PIKFYVE: variants seen among roughly 807,000 people sequenced by gnomAD.
The protein encoded by PIKFYVE is phosphoinositide kinase, FYVE-type zinc finger containing.
PIKFYVE carries 122 observed loss-of-function variants against 257.9 expected under a neutral mutation model. The ratio of observed to expected loss-of-function variants is 0.47; its 90% confidence interval spans 0.41 to 0.55. The LOEUF (loss-of-function observed/expected upper bound fraction) is 0.55, where lower values mean the gene tolerates loss of function less well. Ranked by LOEUF, PIKFYVE falls within the 20% of genes least tolerant of loss-of-function variation. The pLI is 0.00. For missense variants in PIKFYVE, 2,160 were observed against 2,536.6 expected, an observed-to-expected ratio of 0.85 and a Z score of 3.19; for synonymous variants, 892 against 868.9, an observed-to-expected ratio of 1.03 and a Z score of -0.47.
At chr2:208,270,509 TAAG>T (rs1689277936) in intron 1 of PIKFYVE, among the ~76,000 whole-genome samples, 1 of 152,182 alleles carries the variant, frequency 6.6e-6, no homozygotes, top group Admixed American at 6.5e-5. Flanking sequence ...CAAAGCCCTT[TAAG>T]AAGATCTTCA....
intron 5 of PIKFYVE, among the ~76,000 whole-genome samples, chr2:208,278,954 C>G (rs1167018797): frequency 6.6e-6 from 1 of 152,168 alleles, no homozygotes; most frequent in Non-Finnish European, 1.5e-5. Context: ...GGTAGCAGTT[C>G]TGTTTTAAGC....
intron 17 of PIKFYVE, among the ~76,000 whole-genome samples, chr2:208,320,844 C>A (rs1028477168): frequency 6.6e-6 from 1 of 152,186 alleles, no homozygotes; most frequent in African/African-American, 2.4e-5. Flanking sequence ...AAAACAGTCT[C>A]AGCTCAGCTG....
intron 31 of PIKFYVE, among the ~76,000 whole-genome samples, chr2:208,341,493 C>A (rs548612816): frequency 5.5e-4 from 84 of 152,134 alleles, no homozygotes; most frequent in African/African-American, 2.0e-3. Context: ...TGTCTTGGTC[C>A]GTTCATGCTG....
chr2:208,271,533 A>G lies in PIKFYVE; in HGVS notation c.14A>G (p.Asp5Gly), dbSNP rs1481613135. The G allele has an allele frequency of 2.5e-6, 4 of 1,614,006 alleles. No individual in the cohort carries two copies. The highest frequency in any genetic ancestry group is 1.3e-5 in the African/African-American group (1 of 74,916). Residue 5 changes from aspartate (D) to glycine (G), a missense_variant, in exon 2 of 42, where the codon GAT (aspartate) becomes GGT (glycine). Physicochemically the swap from Asp to Gly is moderately conservative, Grantham distance 94. Coordinates refer to ENST00000264380, the MANE Select transcript of PIKFYVE (RefSeq NM_015040.4). Reference sequence around the variant, plus strand: ...CAGACTCATGAAATGGCCACAGATGATAAGACGTCCCCAACACTGGACTCT... The same window carrying G: ...CAGACTCATGAAATGGCCACAGATGGTAAGACGTCCCCAACACTGGACTCT... MATD[D>G]KTSPTLDSAN...
intron 5 of PIKFYVE, among the ~76,000 whole-genome samples, chr2:208,284,941 G>GC (rs1014763253): frequency 3.3e-5 from 5 of 151,634 alleles, no homozygotes; most frequent in African/African-American, 1.2e-4. Flanking sequence ...TTCTGCCTTG[G>GC]CCCCCCAAAG....
chr2:208,270,214 G>C (rs2124970354), intron 1 of PIKFYVE, among the ~76,000 whole-genome samples: 1 of 151,798 alleles, frequency 6.6e-6, no homozygotes, highest in South Asian at 2.1e-4. Context: ...GCTAATTTTT[G>C]TATTTTTGGT....
intron 34 of PIKFYVE, among the ~76,000 whole-genome samples, 169 bp downstream of exon 34, chr2:208,346,316 T>G (rs1699229581): frequency 6.6e-6 from 1 of 152,230 alleles, no homozygotes; most frequent in Admixed American, 6.5e-5. Flanking sequence ...CGTGTTTTGC[T>G]TTTCTTCGTT....
Position 208,324,302 on chromosome 2 carries a change from T to C in PIKFYVE, c.2331+20T>C, listed in dbSNP as rs1349196190. On this transcript the variant is annotated intron_variant, in intron 18 of 41. Coordinates refer to ENST00000264380, the MANE Select transcript of PIKFYVE (RefSeq NM_015040.4). ...AAGTCAGTGAGTGTTTTTAATTTTCTATTGTATTTTAAAAAAATCACAGCT... is the reference window on the plus strand; with the variant it reads ...AAGTCAGTGAGTGTTTTTAATTTTCCATTGTATTTTAAAAAAATCACAGCT... 1.9e-6 allele frequency: 3 copies of C among 1,610,226 alleles called. No homozygotes were observed. The highest frequency in any genetic ancestry group is 2.2e-5 in the South Asian group (2 of 90,930).
intron 1 of PIKFYVE, among the ~76,000 whole-genome samples, chr2:208,267,546 C>G (rs556960007): frequency 9.7e-5 from 12 of 123,146 alleles, no homozygotes; most frequent in African/African-American, 3.4e-4. Flanking sequence ...TCGCTCTGTC[C>G]CCCAGGTTGG....
intron 25 of PIKFYVE, among the ~76,000 whole-genome samples, 161 bp from the exon 26 acceptor site, chr2:208,335,629 TACA>T (rs1698050387): frequency 6.6e-6 from 1 of 152,210 alleles, no homozygotes; most frequent in Non-Finnish European, 1.5e-5. Context: ...AATTTTGAAG[TACA>T]TCCTTTTAGG....
intron 15 of PIKFYVE, among the ~76,000 whole-genome samples, chr2:208,316,046 C>T (rs1268051651): frequency 2.4e-4 from 29 of 121,270 alleles, no homozygotes; most frequent in Non-Finnish European, 4.0e-4. Context: ...CCACAACAGT[C>T]CCCAGAGTGT....
rs1691912865 is a variant in PIKFYVE, at chr2:208,288,777, A to G, written c.870A>G (p.Val290=). ...SSNTPLSTRL[V]SVQEDAGKSP... is the part of the protein sequence containing the mutation. ...ATACTCCTCTTTCAACAAGACTTGTATCTGTGCAAGAGGATGCTGGGAAAT... is the reference window on the plus strand; with the variant it reads ...ATACTCCTCTTTCAACAAGACTTGTGTCTGTGCAAGAGGATGCTGGGAAAT... Residue 290 remains valine (V), a synonymous_variant, in exon 7 of 42, where the codon GTA becomes GTG. Coordinates refer to ENST00000264380, the MANE Select transcript of PIKFYVE (RefSeq NM_015040.4). 6.2e-7 allele frequency: 1 copy of G among 1,613,974 alleles called. No homozygotes were observed. The highest frequency in any genetic ancestry group is 1.7e-5 in the Admixed American group (1 of 60,004).
At chr2:208,328,062 G>A in intron 20 of PIKFYVE, 118 bp from the exon 21 acceptor site, 2 of 1,564,702 alleles carry the variant, frequency 1.3e-6, no homozygotes, top group South Asian at 2.3e-5. Context: ...TTTAAATCTT[G>A]ACCAGAGCCC....
intron 37 of PIKFYVE, 105 bp downstream of exon 37, chr2:208,351,052 G>C: frequency 7.0e-7 from 1 of 1,425,380 alleles, no homozygotes; most frequent in Non-Finnish European, 9.7e-7. Context: ...TCATAACTAT[G>C]ACTTACTAGT....
In PIKFYVE at chr2:208,271,685, A is replaced by G. The variant is rs1689438046; in HGVS notation, c.166A>G (p.Asn56Asp). 6.2e-7 allele frequency: 1 copy of G among 1,612,534 alleles called. No homozygotes were observed. The highest frequency in any genetic ancestry group is 1.3e-5 in the African/African-American group (1 of 74,888). The change falls in exon 2 of 42, where the codon AAC becomes GAC. Residue 56 changes from asparagine (N) to aspartate (D), a missense_variant. Physicochemically the swap from Asn to Asp is conservative, Grantham distance 23. Around this residue, in one of 12 missense-constraint regions of PIKFYVE, gnomAD observed 172 missense variants for 180.6 expected, o/e 0.95. Transcript: ENST00000264380. The stretch of plus-strand genomic sequence containing the variant: ...TTCTTTTGTAAATCTCTTTCGTTTT[A>G]ACAAAGGTAAGACTTATTAAAGATA... ...YSSFVNLFRF[N>D]KERAEGGQGE...
chr2:208,337,042 G>T, intron 28 of PIKFYVE, 114 bp downstream of exon 28: 1 of 783,888 alleles, frequency 1.3e-6, no homozygotes, highest in Non-Finnish European at 2.1e-6. Context: ...ATCCAGTAGG[G>T]TTTTCCATTT....
chr2:208,267,260 A>G (rs933209900), intron 1 of PIKFYVE, among the ~76,000 whole-genome samples: 1 of 152,118 alleles, frequency 6.6e-6, no homozygotes, highest in Non-Finnish European at 1.5e-5. Flanking sequence ...TGGCACTCCA[A>G]AACTCCCACT....
At chr2:208,318,044 T>G in intron 16 of PIKFYVE, 103 bp downstream of exon 16, 1 of 1,218,798 alleles carries the variant, frequency 8.2e-7, no homozygotes, top group Non-Finnish European at 1.2e-6. Context: ...CAATGGACAA[T>G]GAAAGGCAGC....
chr2:208,287,169 A>G (rs1455674241), intron 6 of PIKFYVE, among the ~76,000 whole-genome samples: 2 of 152,196 alleles, frequency 1.3e-5, no homozygotes, highest in African/African-American at 4.8e-5. Flanking sequence ...CTTAAAGACG[A>G]TAGATATGAA....
Sources: gnomAD v4.1 joint callset for allele counts (sites outside exome capture counted in the v4.1 genomes callset) on GRCh38, gnomAD v4.1.1 for gene constraint, gnomAD v4.1.1 regional missense constraint, MANE v1.5 for transcripts, NCBI Gene and HGNC (gene_info 2026-07-23, HGNC 2026-07-21) for gene names.